COMMD10: variants seen among roughly 807,000 people sequenced by gnomAD.
COMMD10 encodes the protein COMM domain-containing protein 10.
In COMMD10, 33 loss-of-function variants were observed where a neutral mutation model predicts 28.9. That is an observed-to-expected ratio of 1.14 (90% CI 0.87 to 1.53). The LOEUF is 1.53. COMMD10 is among the 40% of genes most tolerant of loss of function. The pLI is 0.00. For missense variants in COMMD10, 310 were observed against 233.4 expected, an observed-to-expected ratio of 1.33 and a Z score of -2.14; for synonymous variants, 110 against 81.7, an observed-to-expected ratio of 1.35 and a Z score of -1.87.
At chr5:116,217,996 T>G (rs1421000802) in intron 5 of COMMD10, 1 of 949,268 alleles carries the variant, frequency 1.1e-6, no homozygotes, top group African/African-American at 1.6e-5. Flanking sequence ...TCACCAGAAG[T>G]ACACAGTTAT....
intron 5 of COMMD10, among the ~76,000 whole-genome samples, chr5:116,225,415 A>T (rs890795914): frequency 6.7e-6 from 1 of 149,688 alleles, no homozygotes; most frequent in African/African-American, 2.5e-5. Context: ...ATTGGGAAAC[A>T]TATGGTGAAA....
chr5:116,153,487 C>T (rs1375154333), intron 5 of COMMD10, among the ~76,000 whole-genome samples: 1 of 152,056 alleles, frequency 6.6e-6, no homozygotes, highest in Non-Finnish European at 1.5e-5. Context: ...ACACAGTAAT[C>T]ATCATACCTG....
At chr5:116,099,967 G>A (rs74648480) in intron 4 of COMMD10, among the ~76,000 whole-genome samples, 7,015 of 152,172 alleles carry the variant, frequency 0.046, 255 homozygotes, top group Non-Finnish European at 0.064. Context: ...TACATAATGA[G>A]ATGTCTTGGG....
chr5:116,201,353 A>G (rs886992700), intron 5 of COMMD10, among the ~76,000 whole-genome samples: 2 of 152,150 alleles, frequency 1.3e-5, no homozygotes, highest in African/African-American at 2.4e-5. Context: ...GTTAAACTCA[A>G]CAGAAGTGAG....
chr5:116,155,057 G>T (rs1451242477), intron 5 of COMMD10, among the ~76,000 whole-genome samples: 2 of 151,972 alleles, frequency 1.3e-5, no homozygotes, highest in African/African-American at 4.8e-5. Context: ...TTTAACATTG[G>T]TATCATCTTT....
At chr5:116,276,000 C>G (rs888724253) in intron 5 of COMMD10, among the ~76,000 whole-genome samples, 9 of 150,832 alleles carry the variant, frequency 6.0e-5, no homozygotes, top group Non-Finnish European at 1.0e-4. Flanking sequence ...TTAAGGAACA[C>G]ACTATGTTTT....
intron 4 of COMMD10, among the ~76,000 whole-genome samples, chr5:116,097,115 C>T (rs1044919523): frequency 6.6e-6 from 1 of 151,988 alleles, no homozygotes; most frequent in East Asian, 1.9e-4. Flanking sequence ...AGTTGGATTA[C>T]AGAAGCTTCT....
intron 5 of COMMD10, among the ~76,000 whole-genome samples, chr5:116,147,200 G>A (rs1329309334): frequency 5.3e-5 from 8 of 151,810 alleles, no homozygotes. Context: ...AGTGCACAAG[G>A]AACAGTCAAT....
intron 5 of COMMD10, among the ~76,000 whole-genome samples, chr5:116,169,723 A>G (rs1753253564): frequency 6.6e-6 from 1 of 152,206 alleles, no homozygotes; most frequent in Admixed American, 6.5e-5. Context: ...CGTAAACAGA[A>G]CCAATGACAA....
intron 5 of COMMD10, among the ~76,000 whole-genome samples, chr5:116,212,573 T>C (rs1262194329): frequency 7.6e-6 from 1 of 132,062 alleles, no homozygotes; most frequent in Non-Finnish European, 1.6e-5. Context: ...AGTGAAGAGA[T>C]AGGCCAGGGT....
chr5:116,292,343 G>A (rs936719726), intron 6 of COMMD10, 108 bp from the exon 7 acceptor site: 5 of 553,188 alleles, frequency 9.0e-6, no homozygotes, highest in Non-Finnish European at 1.5e-5. Flanking sequence ...AATATTCATA[G>A]TTACCAGTGC....
At position 116,096,294 on chromosome 5, in the gene COMMD10, C is replaced by T. The variant is rs567379871; in HGVS notation, c.399+3594C>T. 2.0e-5 allele frequency among the ~76,000 whole-genome samples: 3 copies of T among 150,278 alleles called. No homozygotes were observed. The East Asian group carries it at 5.8e-4, about 29-fold the overall frequency. On this transcript the variant is annotated intron_variant, in intron 4 of 6. Coordinates refer to ENST00000274458, the MANE Select transcript of COMMD10 (RefSeq NM_016144.4). ...TTTTGTTTTCAGCTTATCAATCCTGCCCTTATTTTGTTAGGTTTGTACCTT... is the reference window on the plus strand; with the variant it reads ...TTTTGTTTTCAGCTTATCAATCCTGTCCTTATTTTGTTAGGTTTGTACCTT...
intron 4 of COMMD10, 54 bp from the exon 5 acceptor site, chr5:116,134,014 A>T (rs1203632893): frequency 8.9e-6 from 9 of 1,015,342 alleles, no homozygotes; most frequent in Non-Finnish European, 1.4e-5. Flanking sequence ...CTTAAAGTTG[A>T]CTGTTTTCTT....
At chr5:116,178,259 A>G (rs915117698) in intron 5 of COMMD10, among the ~76,000 whole-genome samples, 6 of 152,072 alleles carry the variant, frequency 3.9e-5, no homozygotes, top group African/African-American at 7.2e-5. Flanking sequence ...GATTGCTTAG[A>G]TAAGTATTTA....
chr5:116,165,454 G>A (rs1753058658), intron 5 of COMMD10, among the ~76,000 whole-genome samples: 1 of 152,120 alleles, frequency 6.6e-6, no homozygotes, highest in African/African-American at 2.4e-5. Context: ...TGGGTAGTTT[G>A]AAAAACAGAC....
intron 4 of COMMD10, among the ~76,000 whole-genome samples, chr5:116,131,991 A>G (rs907132442): frequency 6.6e-6 from 1 of 151,926 alleles, no homozygotes; most frequent in African/African-American, 2.4e-5. Flanking sequence ...GGTTTTGTAT[A>G]TAGAGTTTGG....
intron 5 of COMMD10, among the ~76,000 whole-genome samples, chr5:116,180,674 TA>T (rs202140506): frequency 1.3e-5 from 2 of 150,920 alleles, no homozygotes; most frequent in African/African-American, 2.4e-5. Context: ...AAACCAAAAT[TA>T]AAAAAAAATA....
chr5:116,210,316 G>GTATT (rs895223273), intron 5 of COMMD10, among the ~76,000 whole-genome samples: 1 of 150,632 alleles, frequency 6.6e-6, no homozygotes, highest in African/African-American at 2.4e-5. Context: ...AATTATGTAT[G>GTATT]TATTTATATA....
Position 116,092,559 on chromosome 5 carries a change from T to C in COMMD10, c.258T>C (p.Asn86=). ...CTTTTTAATAGGCAGTGTATCACAA[T>C]GTGAAGCCAGCAGCTTTGCAGCAGC... is the stretch of plus-strand genomic sequence containing the variant. ...SFILEQAVYH[N]VKPAALQQQL... The change falls in exon 4 of 7, where the codon AAT becomes AAC. Residue 86 remains asparagine (N), a synonymous_variant. Transcript: ENST00000274458. 6.2e-7 allele frequency: 1 copy of C among 1,604,008 alleles called. No individual in the cohort carries two copies. The highest frequency in any genetic ancestry group is 1.1e-5 in the South Asian group (1 of 88,672).
Sources: gnomAD v4.1 joint callset for allele counts (sites outside exome capture counted in the v4.1 genomes callset) on GRCh38, gnomAD v4.1.1 for gene constraint, MANE v1.5 for transcripts, NCBI Gene and HGNC (gene_info 2026-07-23, HGNC 2026-07-21) for gene names.